ARHGAP15: variants seen among roughly 807,000 people sequenced by gnomAD.
The protein encoded by ARHGAP15 is rho GTPase-activating protein 15.
Under a neutral mutation model 63.7 loss-of-function variants are expected in ARHGAP15, and 51 were observed. That is an observed-to-expected ratio of 0.80 (90% CI 0.64 to 1.01). The LOEUF (loss-of-function observed/expected upper bound fraction) is 1.01, where lower values mean the gene tolerates loss of function less well. Ranked by LOEUF, ARHGAP15 falls within the 50% of genes least tolerant of loss-of-function variation. ARHGAP15 has a pLI of 0.00. For synonymous variants in ARHGAP15, 191 were observed against 193.8 expected, an observed-to-expected ratio of 0.99 and a Z score of 0.12; for missense variants, 560 against 564.6, an observed-to-expected ratio of 0.99 and a Z score of 0.08.
At chr2:143,576,619 C>T (rs1425910563) in intron 11 of ARHGAP15, among the ~76,000 whole-genome samples, 1 of 152,030 alleles carries the variant, frequency 6.6e-6, no homozygotes, top group Non-Finnish European at 1.5e-5. Flanking sequence ...GGTAGGACAT[C>T]ATATAACCTA....
chr2:143,519,799 A>G (rs754987106), intron 10 of ARHGAP15, among the ~76,000 whole-genome samples: 14 of 152,176 alleles, frequency 9.2e-5, no homozygotes, highest in Non-Finnish European at 1.9e-4. Context: ...CACCTTCCAC[A>G]TGTCTCTGTT....
intron 12 of ARHGAP15, among the ~76,000 whole-genome samples, chr2:143,689,781 C>T (rs1446513011): frequency 6.6e-6 from 1 of 152,156 alleles, no homozygotes; most frequent in African/African-American, 2.4e-5. Context: ...CAGTCTCCAC[C>T]CTTTCTTCCC....
intron 13 of ARHGAP15, among the ~76,000 whole-genome samples, chr2:143,756,126 G>A (rs1376908691): frequency 6.6e-6 from 1 of 152,080 alleles, no homozygotes; most frequent in East Asian, 1.9e-4. Flanking sequence ...ATTTTATGTA[G>A]GCGCCCTCAA....
At chr2:143,626,184 TA>T (rs1698827968) in intron 12 of ARHGAP15, among the ~76,000 whole-genome samples, 1 of 152,170 alleles carries the variant, frequency 6.6e-6, no homozygotes, top group African/African-American at 2.4e-5. Context: ...TGCCAACACC[TA>T]TAAAATGGGT....
At chr2:143,498,803 G>C (rs1308979297) in intron 9 of ARHGAP15, among the ~76,000 whole-genome samples, 1 of 152,152 alleles carries the variant, frequency 6.6e-6, no homozygotes, top group East Asian at 1.9e-4. Context: ...ATTCCTGGGA[G>C]GGAAAGAGGT....
chr2:143,297,634 A>G lies in ARHGAP15; in HGVS notation c.474+47034A>G, dbSNP rs1178261642. 3.3e-5 allele frequency among the ~76,000 whole-genome samples: 5 copies of G among 151,990 alleles called. No individual in the cohort carries two copies. In the South Asian group the frequency reaches 6.2e-4, roughly 19 times the overall value. On this transcript the variant is annotated intron_variant, in intron 6 of 13. Coordinates refer to ENST00000295095, the MANE Select transcript of ARHGAP15 (RefSeq NM_018460.4). ...TTTCAGGTTTGTTATGATGAATGTA[A>G]GGAGCACAGTGAGGAAAGCTATTGC... is the stretch of plus-strand genomic sequence containing the variant.
chr2:143,318,050 G>A (rs1683803669), intron 6 of ARHGAP15, among the ~76,000 whole-genome samples: 2 of 151,754 alleles, frequency 1.3e-5, no homozygotes, highest in African/African-American at 2.4e-5. Context: ...CCAGGCTGAA[G>A]TGCAGCGGTG....
chr2:143,162,585 T>A (rs547485819), intron 2 of ARHGAP15: 1 of 152,016 alleles, frequency 6.6e-6, no homozygotes, highest in Non-Finnish European at 1.5e-5. Context: ...AAATCTCAGG[T>A]CCCCTGATGT....
intron 9 of ARHGAP15, among the ~76,000 whole-genome samples, chr2:143,516,439 A>T (rs1269675204): frequency 6.6e-6 from 1 of 152,176 alleles, no homozygotes; most frequent in Non-Finnish European, 1.5e-5. Context: ...AAATGACACA[A>T]AAAGACCTCA....
At position 143,454,397 on chromosome 2, in the gene ARHGAP15, T is replaced by C. The variant is rs75150367; in HGVS notation, c.703+17355T>C. Among the ~76,000 whole-genome samples the C allele has an allele frequency of 3.9e-3, 587 of 152,212 alleles. 6 individuals are homozygous for C. Among genetic ancestry groups the C allele is most frequent in the African/African-American group, 0.013 (560 of 41,556 alleles). Reference sequence around the variant, plus strand: ...ATATTTTAAACACCAAGCAATGTGTTTTATTTGGCTGGGAATACAGTCTTA... The same window carrying C: ...ATATTTTAAACACCAAGCAATGTGTCTTATTTGGCTGGGAATACAGTCTTA... On this transcript the variant is annotated intron_variant, in intron 8 of 13. Transcript: ENST00000295095.
intron 2 of ARHGAP15, among the ~76,000 whole-genome samples, chr2:143,158,178 T>G (rs1016767129): frequency 6.6e-6 from 1 of 151,806 alleles, no homozygotes; most frequent in Admixed American, 6.6e-5. Context: ...TATTCTAGAG[T>G]CAAACCAATT....
At chr2:143,659,918 G>A (rs957526952) in intron 12 of ARHGAP15, among the ~76,000 whole-genome samples, 1 of 152,040 alleles carries the variant, frequency 6.6e-6, no homozygotes, top group African/African-American at 2.4e-5. Flanking sequence ...AGAATTTGAA[G>A]TAATAAGTGG....
chr2:143,705,085 A>G (rs1156284796), intron 13 of ARHGAP15, among the ~76,000 whole-genome samples: 4 of 152,144 alleles, frequency 2.6e-5, no homozygotes, highest in Non-Finnish European at 5.9e-5. Flanking sequence ...TCATATACAG[A>G]CTTCTATTTC....
intron 10 of ARHGAP15, among the ~76,000 whole-genome samples, chr2:143,528,646 G>C (rs1424053493): frequency 6.6e-6 from 1 of 152,046 alleles, no homozygotes; most frequent in Non-Finnish European, 1.5e-5. Flanking sequence ...ATATACCAAT[G>C]TTATTAAAAT....
rs372330531 is a variant in ARHGAP15, at chr2:143,728,975, G to A, written c.1244+25451G>A. On this transcript the variant is annotated intron_variant, in intron 13 of 13. Coordinates refer to ENST00000295095, the MANE Select transcript of ARHGAP15 (RefSeq NM_018460.4). ...TGGGAAGTGCAGTGAAAGCCACAGAGCTATGGTCTCAGTTACGCAGACTTA... is the reference window on the plus strand; with the variant it reads ...TGGGAAGTGCAGTGAAAGCCACAGAACTATGGTCTCAGTTACGCAGACTTA... Among the ~76,000 whole-genome samples the A allele has an allele frequency of 9.8e-5, 15 of 152,338 alleles. No individual in the cohort carries two copies. The South Asian group carries it at 2.9e-3, about 29-fold the overall frequency.
At chr2:143,176,745 C>A (rs1367286722) in intron 2 of ARHGAP15, among the ~76,000 whole-genome samples, 1 of 152,210 alleles carries the variant, frequency 6.6e-6, no homozygotes, top group Non-Finnish European at 1.5e-5. Flanking sequence ...GCAGTTTGGG[C>A]AGGATTCACA....
At chr2:143,513,931 G>T (rs557845938) in intron 9 of ARHGAP15, among the ~76,000 whole-genome samples, 26 of 152,242 alleles carry the variant, frequency 1.7e-4, no homozygotes, top group African/African-American at 6.0e-4. Context: ...CAATATCTCT[G>T]GGCCTTAGTT....
chr2:143,505,204 G>T (rs150465936), intron 9 of ARHGAP15, among the ~76,000 whole-genome samples: 3 of 152,220 alleles, frequency 2.0e-5, no homozygotes, highest in African/African-American at 7.2e-5. Context: ...CCATGGTGGC[G>T]AACATCATTC....
chr2:143,135,240 G>T (rs1689089656), intron 1 of ARHGAP15, among the ~76,000 whole-genome samples: 1 of 152,156 alleles, frequency 6.6e-6, no homozygotes, highest in Admixed American at 6.5e-5. Flanking sequence ...TGGTGGGAAA[G>T]TTCATCTGAT....
Sources: allele counts gnomAD v4.1 joint callset (sites outside exome capture counted in the v4.1 genomes callset), GRCh38; gene constraint gnomAD v4.1.1; transcripts MANE v1.5; gene names NCBI Gene and HGNC (gene_info 2026-07-23, HGNC 2026-07-21).